The following AHNAK2 variants were observed in gnomAD, a reference collection of about 807,000 sequenced individuals.
The protein encoded by AHNAK2 is AHNAK nucleoprotein 2.
Under a neutral mutation model 30.7 loss-of-function variants are expected in AHNAK2, and 18 were observed. That is an observed-to-expected ratio of 0.59 (90% CI 0.41 to 0.87). The LOEUF (loss-of-function observed/expected upper bound fraction) is 0.87. Among genes scored for constraint, AHNAK2 ranks in the 40% least tolerant of loss-of-function variants. The pLI is 0.00. For missense variants in AHNAK2, 8,604 were observed against 7,373.0 expected (o/e 1.17, Z -6.11); for synonymous variants, 3,590 against 3,073.8 (o/e 1.17, Z -5.56).
intron 1 of AHNAK2, among the ~76,000 whole-genome samples, chr14:104,976,957 C>T (rs1350605012): frequency 3.3e-5 from 5 of 152,224 alleles, no homozygotes; most frequent in Admixed American, 1.3e-4. Context: ...ATCATCCTCC[C>T]GCTGCTGTGC....
Position 104,946,671 on chromosome 14 carries a change from C to A in AHNAK2, c.8780G>T (p.Gly2927Val), listed in dbSNP as rs1176183044. ...GGGGGCCGTCACCTCCGCCTTGGGG[C>A]CTTTCAGGTCCAGCTTGGGGCCCTT... ...DVKGPKLDLK[G>V]PKAEVTAPDV... The change falls in exon 7 of 7, where the codon GGC becomes GTC. Residue 2927 changes from glycine (G) to valine (V), a missense_variant. Coordinates refer to ENST00000333244, the MANE Select transcript of AHNAK2 (RefSeq NM_138420.4). The A allele has an allele frequency of 6.2e-7, 1 of 1,612,858 alleles. No individual in the cohort carries two copies. The highest frequency in any genetic ancestry group is 8.5e-7 in the Non-Finnish European group (1 of 1,179,720).
rs546359264 is a variant in AHNAK2, at chr14:104,944,446, C to G, written c.11005G>C (p.Glu3669Gln). 1 of 1,613,150 alleles carries G rather than the reference C, an allele frequency of 6.2e-7. No individual in the cohort carries two copies. Among genetic ancestry groups the G allele is most frequent in the East Asian group, 2.2e-5 (1 of 44,796 alleles). ...ASVDVSAPKV[E>Q]ADVSLPSMQG... is the part of the protein sequence containing the mutation. ...ATGGAGGGGAGACTCACATCGGCTT[C>G]CACCTTGGGTGCAGACACATCCACC... The change falls in exon 7 of 7, where the codon GAA (glutamate) becomes CAA (glutamine). Residue 3669 changes from glutamate to glutamine, a missense_variant. Coordinates refer to ENST00000333244, the MANE Select transcript of AHNAK2 (RefSeq NM_138420.4).
rs375316476 is a variant in AHNAK2, at chr14:104,947,973, A to G, written c.7478T>C (p.Phe2493Ser). ...GGACTTGCCTGGGGCAGACACCCCG[A>G]ATGACGGCATCTTGAACTTGGGAAT... ...FKIPKFKMPS[F>S]GVSAPGKSIE... The change falls in exon 7 of 7, where the codon TTC (phenylalanine) becomes TCC (serine). Residue 2493 changes from phenylalanine to serine, a missense_variant. Physicochemically the swap from Phe to Ser is radical, Grantham distance 155. Coordinates refer to ENST00000333244, the MANE Select transcript of AHNAK2 (RefSeq NM_138420.4). 1.2e-6 allele frequency: 2 copies of G among 1,612,468 alleles called. No homozygotes were observed. Among genetic ancestry groups the G allele is most frequent in the African/African-American group, 2.7e-5 (2 of 74,244 alleles).
Position 104,954,036 on chromosome 14 carries a change from T to G in AHNAK2, c.1415A>C (p.Glu472Ala). Residue 472 changes from glutamate (E) to alanine (A), a missense_variant, in exon 7 of 7, where the codon GAA becomes GCA. By Grantham distance (107) the Glu-to-Ala change is moderately radical (BLOSUM62 -1). Coordinates refer to ENST00000333244, the MANE Select transcript of AHNAK2 (RefSeq NM_138420.4). The surrounding 1 kb of genome is among the most constrained non-coding windows in gnomAD (Gnocchi z 4.3). Reference sequence around the variant, plus strand: ...TGGTGGGCCAATCTGTGTGCCTCCTTCGGTTGTGTCTCTCAAGGACAGTCT... The same window carrying G: ...TGGTGGGCCAATCTGTGTGCCTCCTGCGGTTGTGTCTCTCAAGGACAGTCT... ...IARLSLRDTT[E>A]GGTQIGPPEI... 6.2e-7 allele frequency: 1 copy of G among 1,613,648 alleles called. No individual in the cohort carries two copies. Among genetic ancestry groups the G allele is most frequent in the Non-Finnish European group, 8.5e-7 (1 of 1,179,844 alleles).
intron 3 of AHNAK2, 133 bp from the exon 4 acceptor site, chr14:104,956,822 G>T (rs1425823221): frequency 1.3e-6 from 1 of 774,780 alleles, no homozygotes; most frequent in Non-Finnish European, 2.1e-6. Flanking sequence ...GCTGTGTGCA[G>T]AGGCAGCCGA....
At chr14:104,967,311 G>C (rs559515982) in intron 1 of AHNAK2, among the ~76,000 whole-genome samples, 1 of 152,130 alleles carries the variant, frequency 6.6e-6, no homozygotes, top group Non-Finnish European at 1.5e-5. Context: ...GCAACTCCTC[G>C]GAGAAGGGAC....
At chr14:104,974,601 C>T (rs1899552214) in intron 1 of AHNAK2, among the ~76,000 whole-genome samples, 1 of 152,222 alleles carries the variant, frequency 6.6e-6, no homozygotes, top group African/African-American at 2.4e-5. Flanking sequence ...GCACTGGCCA[C>T]AAAAATGGGA....
chr14:104,943,330 C>T lies in AHNAK2; in HGVS notation c.12121G>A (p.Val4041Met), dbSNP rs774913744. 83 of 1,610,768 alleles carry T rather than the reference C, an allele frequency of 5.2e-5. No individual in the cohort carries two copies. The highest frequency in any genetic ancestry group is 6.1e-5 in the Non-Finnish European group (72 of 1,178,840). Reference protein sequence around the residue: ...QVDVKLPEGPVPEGASLKGHL... With the variant: ...QVDVKLPEGPMPEGASLKGHL... ...CCTTTGAGGCTGGCTCCCTCGGGCA[C>T]GGGGCCCTCTGGGAGTTTCACGTCC... Residue 4041 changes from valine (V) to methionine (M), a missense_variant, in exon 7 of 7, where the codon GTG becomes ATG. Physicochemically the swap from Val to Met is conservative, Grantham distance 21. Transcript: ENST00000333244.
Position 104,952,994 on chromosome 14 carries a change from C to G in AHNAK2, c.2457G>C (p.Leu819=), listed in dbSNP as rs374425745. ...KLDGARLEGD[L]SLADKEVTAK... Reference sequence around the variant, plus strand: ...CAGTCACCTCCTTGTCGGCCAGGGACAGGTCCCCCTCCAGCCGCGCACCAT... The same window carrying G: ...CAGTCACCTCCTTGTCGGCCAGGGAGAGGTCCCCCTCCAGCCGCGCACCAT... The change falls in exon 7 of 7, where the codon CTG becomes CTC. Residue 819 remains leucine, a synonymous_variant. Transcript: ENST00000333244. 24 of 1,612,816 alleles carry G rather than the reference C, an allele frequency of 1.5e-5. 1 individual carries two copies. The highest frequency in any genetic ancestry group is 1.9e-5 in the Non-Finnish European group (22 of 1,179,620).
In AHNAK2 at chr14:104,938,077, G is replaced by C. The variant is rs766173077; in HGVS notation, c.17374C>G (p.Pro5792Ala). The C allele has an allele frequency of 6.2e-7, 1 of 1,613,092 alleles. No homozygotes were observed. The change falls in exon 7 of 7, where the codon CCA becomes GCA. Residue 5792 changes from proline to alanine, a missense_variant. Physicochemically the swap from Pro to Ala is conservative, Grantham distance 27. Transcript: ENST00000333244. ...AGCCATACCTCTCAGCCTTCATTTG[G>C]TCCCAGGCCTGACCCTTTGCTTTCA... The part of the protein sequence containing the change: ...DDESKGSGLG[P>A]NEG
Position 104,944,930 on chromosome 14 carries a change from C to G in AHNAK2, c.10521G>C (p.Val3507=), listed in dbSNP as rs1321074670. The change falls in exon 7 of 7, where the codon GTG becomes GTC. Residue 3507 remains valine, a synonymous_variant. Coordinates refer to ENST00000333244, the MANE Select transcript of AHNAK2 (RefSeq NM_138420.4). ...GGTCCCCCTGCATGGAGGAGAGGCT[C>G]ACGTCGGCCTCCACCTTCGGCGCAG... ...DVSAPKVEAD[V]SLSSMQGDLK... The G allele has an allele frequency of 6.2e-7, 1 of 1,613,086 alleles. No homozygotes were observed. Among genetic ancestry groups the G allele is most frequent in the African/African-American group, 1.3e-5 (1 of 74,770 alleles).
At position 104,963,840 on chromosome 14, in the gene AHNAK2, AG is replaced by A. The variant is rs375632718; in HGVS notation, c.56-6169del. ...GCGAGACTCCGTCTAAAAAAAAAAA[AG>A]AAAAAAAAAAGAGAGAGAGAGAAAA... On this transcript the variant is annotated intron_variant, in intron 1 of 6. Transcript: ENST00000333244. Among the ~76,000 whole-genome samples the A allele has an allele frequency of 7.7e-3, 1,129 of 145,808 alleles. 18 individuals carry two copies. Among genetic ancestry groups the A allele is most frequent in the African/African-American group, 0.027 (1,014 of 37,916 alleles).
In AHNAK2 at chr14:104,949,361, G is replaced by A. The variant is rs368976350; in HGVS notation, c.6090C>T (p.Asp2030=). ...GAATGCTGAGGTCAGTGGTCTTCAG[G>A]TCCCCCTGCATGGAGGGGAGACTCA... ...ADVSLPSMQG[D]LKTTDLSIQP... The change falls in exon 7 of 7, where the codon GAC becomes GAT. Residue 2030 remains aspartate (D), a synonymous_variant. Coordinates refer to ENST00000333244, the MANE Select transcript of AHNAK2 (RefSeq NM_138420.4). The A allele has an allele frequency of 3.2e-4, 500 of 1,573,140 alleles. 12 individuals carry two copies. The African/African-American group carries it at 6.3e-3, about 20-fold the overall frequency.
rs374238837 is a variant in AHNAK2 at position 104,954,297 on chromosome 14, C to G, written c.1154G>C (p.Arg385Pro). 40 of 1,613,410 alleles carry G rather than the reference C, an allele frequency of 2.5e-5. No homozygotes were observed. In the African/African-American group the frequency reaches 5.1e-4, roughly 20 times the overall value. The part of the protein sequence containing the change: ...SRREERAEQD[R>P]EVMPAQSMPL... Reference sequence around the variant, plus strand: ...CATGCTCTGAGCAGGCATCACTTCTCGATCCTGTTCTGCCCTCTCCTCTCT... The same window carrying G: ...CATGCTCTGAGCAGGCATCACTTCTGGATCCTGTTCTGCCCTCTCCTCTCT... The change falls in exon 7 of 7, where the codon CGA (arginine) becomes CCA (proline). Residue 385 changes from arginine (R) to proline (P), a missense_variant. Physicochemically the swap from Arg to Pro is moderately radical, Grantham distance 103 (BLOSUM62 -2). Transcript: ENST00000333244. The surrounding 1 kb of genome is among the most constrained non-coding windows in gnomAD (Gnocchi z 4.3).
In AHNAK2 at chr14:104,953,833, C is replaced by G; in HGVS notation, c.1618G>C (p.Gly540Arg). 1 of 1,613,968 alleles carries G rather than the reference C, an allele frequency of 6.2e-7. No individual in the cohort carries two copies. The highest frequency in any genetic ancestry group is 8.5e-7 in the Non-Finnish European group (1 of 1,179,896). Reference sequence around the variant, plus strand: ...TCTGCATGTGTGGTTGGTTCCCTGCCCGGCATCCACCCGGCTCCTTCCACC... The same window carrying G: ...TCTGCATGTGTGGTTGGTTCCCTGCGCGGCATCCACCCGGCTCCTTCCACC... ...EEVEGAGWMP[G>R]REPTTHAEAQ... The change falls in exon 7 of 7, where the codon GGC (glycine) becomes CGC (arginine). Residue 540 changes from glycine (G) to arginine (R), a missense_variant. Transcript: ENST00000333244.
Position 104,951,648 on chromosome 14 carries a change from A to C in AHNAK2, c.3803T>G (p.Val1268Gly), listed in dbSNP as rs1716663369. 1 of 1,245,738 alleles carries C rather than the reference A, an allele frequency of 8.0e-7. No homozygotes were observed. Among genetic ancestry groups the C allele is most frequent in the African/African-American group, 1.4e-5 (1 of 70,450 alleles). The allele number at this position is 1,245,738 out of a possible 1,614,324, so 77.2% of individuals were successfully genotyped here. A position where few individuals can be genotyped will look rare whatever the true frequency, so the allele number is the denominator to read the frequency against. Residue 1268 changes from valine (V) to glycine (G), a missense_variant, in exon 7 of 7, where the codon GTC becomes GGC. By Grantham distance (109) the Val-to-Gly change is moderately radical (BLOSUM62 -3). Coordinates refer to ENST00000333244, the MANE Select transcript of AHNAK2 (RefSeq NM_138420.4). ...KVDLKGPQVE[V>G]RGPKLDLKGH... ...TTTCAGGTCCAGCTTGGGGCCCCTG[A>C]CTTCCACCTGGGGGCCCTTGAGGTC...
At position 104,946,856 on chromosome 14, in the gene AHNAK2, G is replaced by T; in HGVS notation, c.8595C>A (p.Pro2865=). The part of the protein sequence containing the change: ...DLKTTDIRIQ[P]PSAQLEVQAG... ...CCTGGACCTCCAGTTGGGCGGAGGG[G>T]GGCTGAATGCGGATGTCAGTGGTCT... Residue 2865 remains proline, a synonymous_variant, in exon 7 of 7, where the codon CCC becomes CCA. Coordinates refer to ENST00000333244, the MANE Select transcript of AHNAK2 (RefSeq NM_138420.4). 1.2e-6 allele frequency: 2 copies of T among 1,612,670 alleles called. No homozygotes were observed. The highest frequency in any genetic ancestry group is 2.7e-5 in the African/African-American group (2 of 74,458).
rs369284023 is a variant in AHNAK2 at position 104,952,082 on chromosome 14, C to G, written c.3369G>C (p.Glu1123Asp). The G allele has an allele frequency of 6.2e-7, 1 of 1,612,544 alleles. No homozygotes were observed. The highest frequency in any genetic ancestry group is 1.3e-5 in the African/African-American group (1 of 74,280). Residue 1123 changes from glutamate (E) to aspartate (D), a missense_variant, in exon 7 of 7, where the codon GAG (glutamate) becomes GAC (aspartate). Physicochemically the swap from Glu to Asp is conservative, Grantham distance 45. Coordinates refer to ENST00000333244, the MANE Select transcript of AHNAK2 (RefSeq NM_138420.4). ...PKAEVTAPDV[E>D]VSLPSVEVDV... Reference sequence around the variant, plus strand: ...CCACCTCCACGCTGGGCAGAGACACCTCCACATCAGGGGCTGTGACTTCCG... The same window carrying G: ...CCACCTCCACGCTGGGCAGAGACACGTCCACATCAGGGGCTGTGACTTCCG...
Position 104,943,320 on chromosome 14 carries a change from C to A in AHNAK2, c.12131G>T (p.Gly4044Val), listed in dbSNP as rs1240864940. The change falls in exon 7 of 7, where the codon GGA becomes GTA. Residue 4044 changes from glycine (G) to valine (V), a missense_variant. By Grantham distance (109) the Gly-to-Val change is moderately radical (BLOSUM62 -3). Transcript: ENST00000333244. Reference sequence around the variant, plus strand: ...GGGCAGGTGCCCTTTGAGGCTGGCTCCCTCGGGCACGGGGCCCTCTGGGAG... The same window carrying A: ...GGGCAGGTGCCCTTTGAGGCTGGCTACCTCGGGCACGGGGCCCTCTGGGAG... ...VKLPEGPVPE[G>V]ASLKGHLPKV... is the part of the protein sequence containing the mutation. The A allele has an allele frequency of 5.0e-6, 8 of 1,611,380 alleles. No individual in the cohort carries two copies. In the South Asian group the frequency reaches 7.7e-5, roughly 15 times the overall value.
Sources: gnomAD v4.1 joint callset for allele counts (sites outside exome capture counted in the v4.1 genomes callset) on GRCh38, gnomAD v4.1.1 for gene constraint, Gnocchi (gnomAD v3.1) non-coding constraint, MANE v1.5 for transcripts, NCBI Gene and HGNC (gene_info 2026-07-23, HGNC 2026-07-21) for gene names.